Variants in HM13 observed in about 807,000 individuals in gnomAD.
The protein encoded by HM13 is signal peptide peptidase.
A neutral mutation model predicts 50.0 loss-of-function variants in HM13; 18 were observed. That is an observed-to-expected ratio of 0.36 (90% CI 0.25 to 0.53). HM13 has a LOEUF of 0.53. Among genes scored for constraint, HM13 ranks in the 20% least tolerant of loss-of-function variants. The pLI is 0.90. For missense variants in HM13, 393 were observed against 552.4 expected (o/e 0.71, Z 2.89); for synonymous variants, 197 against 232.6 (o/e 0.85, Z 1.39).
At chr20:31,520,611 A>C (rs1331372564) in intron 1 of HM13, among the ~76,000 whole-genome samples, 4 of 152,272 alleles carry the variant, frequency 2.6e-5, no homozygotes, top group South Asian at 2.1e-4. Context: ...GCTTCTCCAG[A>C]GGTTTTTAAG....
At position 31,549,475 on chromosome 20, in the gene HM13, T is replaced by A. The variant is rs371211385; in HGVS notation, c.666+143T>A. 145 of 987,272 alleles carry A rather than the reference T, an allele frequency of 1.5e-4. 1 individual carries two copies. The East Asian group carries it at 2.0e-3, about 14-fold the overall frequency. 61.2% of individuals were successfully genotyped at this position (987,272 alleles called of 1,614,324 possible). On this transcript the variant is annotated intron_variant, in intron 6 of 12. Transcript: ENST00000398174. ...TCCGGACCGCAGAGCAAGTCCTCTC[T>A]GGGCCCATCTGTGAGATGGAGCCAG...
At position 31,563,795 on chromosome 20, in the gene HM13, G is replaced by A. The variant is rs182711065; in HGVS notation, c.948+2059G>A. 3.6e-3 allele frequency among the ~76,000 whole-genome samples: 544 copies of A among 152,218 alleles called. 4 individuals are homozygous for A. The highest frequency in any genetic ancestry group is 6.4e-3 in the Non-Finnish European group (434 of 68,012). On this transcript the variant is annotated intron_variant, in intron 10 of 12. Transcript: ENST00000398174. ...GCTTTACGTTAAGAATGAAGTCTCC[G>A]GCCAGGCGTGGTGGCTCACACCTGT...
intron 2 of HM13, among the ~76,000 whole-genome samples, chr20:31,537,649 G>A (rs192233100): frequency 1.1e-4 from 17 of 152,362 alleles, no homozygotes; most frequent in South Asian, 2.1e-4. Context: ...CCAAGAAGCA[G>A]CTGTCAGGGA....
chr20:31,560,382 C>G (rs1659836736), intron 9 of HM13, among the ~76,000 whole-genome samples: 1 of 152,182 alleles, frequency 6.6e-6, no homozygotes, highest in Non-Finnish European at 1.5e-5. Context: ...CTGATAGTTG[C>G]AAAAGCAGTA....
At chr20:31,532,969 A>G (rs192568176) in intron 2 of HM13, among the ~76,000 whole-genome samples, 18 of 152,346 alleles carry the variant, frequency 1.2e-4, no homozygotes, top group Non-Finnish European at 2.6e-4. Context: ...GGTAAGCCTC[A>G]GTCTGCCTCG....
chr20:31,531,331 G>A (rs6059806), intron 2 of HM13, among the ~76,000 whole-genome samples: 41,632 of 151,838 alleles, frequency 0.27, 8,604 homozygotes, highest in African/African-American at 0.58. Context: ...GAGCCACTGC[G>A]CCCAGCCAAA....
At chr20:31,548,524 C>T (rs948377421) in intron 4 of HM13, 11 of 186,178 alleles carry the variant, frequency 5.9e-5, no homozygotes, top group African/African-American at 2.6e-4. Flanking sequence ...CCAGAATTAA[C>T]TCGACCTTTC....
At position 31,514,743 on chromosome 20, in the gene HM13, A is replaced by G; in HGVS notation, c.183+9A>G. On this transcript the variant is annotated intron_variant, in intron 1 of 12. Transcript: ENST00000398174. The surrounding 1 kb of genome is among the most constrained non-coding windows in gnomAD (Gnocchi z 4.3). ...GCTGCGCCCGCGGCAAGGTAGGGTC[A>G]GCGGGAAAACCGGGCACTTTCCACC... 1 of 1,518,228 alleles carries G rather than the reference A, an allele frequency of 6.6e-7. No homozygotes were observed. Among genetic ancestry groups the G allele is most frequent in the Non-Finnish European group, 8.8e-7 (1 of 1,133,954 alleles). 94.0% of individuals were successfully genotyped at this position (1,518,228 alleles called of 1,614,324 possible). A position where few individuals can be genotyped will look rare whatever the true frequency, so the allele number is the denominator to read the frequency against.
chr20:31,552,844 G>T (rs763418218), intron 7 of HM13, among the ~76,000 whole-genome samples: 16 of 152,130 alleles, frequency 1.1e-4, no homozygotes, highest in Non-Finnish European at 2.2e-4. Flanking sequence ...CATGTATTAG[G>T]GAAGCACAAG....
chr20:31,540,439 C>T (rs1983376336), intron 3 of HM13: 3 of 152,196 alleles, frequency 2.0e-5, no homozygotes, highest in Admixed American at 2.0e-4. Context: ...CGCTTGAGAC[C>T]CCCAAGTCTC....
intron 2 of HM13, among the ~76,000 whole-genome samples, chr20:31,529,612 T>C (rs996425333): frequency 6.6e-6 from 1 of 152,066 alleles, no homozygotes; most frequent in Admixed American, 6.6e-5. Flanking sequence ...AAGGATGTCT[T>C]TAATTTACAT....
At chr20:31,531,996 C>T (rs571439221) in intron 2 of HM13, among the ~76,000 whole-genome samples, 1 of 152,226 alleles carries the variant, frequency 6.6e-6, no homozygotes, top group Admixed American at 6.5e-5. Context: ...AGATACAGCA[C>T]AGTTGACTTA....
intron 2 of HM13, among the ~76,000 whole-genome samples, chr20:31,532,774 T>C (rs1245489902): frequency 1.3e-5 from 2 of 152,250 alleles, no homozygotes; most frequent in Admixed American, 1.3e-4. Flanking sequence ...CATCCAGCCA[T>C]TGCTTCTGCC....
chr20:31,532,155 G>A (rs973528097), intron 2 of HM13, among the ~76,000 whole-genome samples: 18 of 151,462 alleles, frequency 1.2e-4, no homozygotes, highest in South Asian at 2.1e-4. Context: ...GGCCGGGCGC[G>A]GTGGCTCAAG....
chr20:31,532,096 AT>A (rs374817984), intron 2 of HM13, among the ~76,000 whole-genome samples: 1,789 of 148,256 alleles, frequency 0.012, 31 homozygotes, highest in African/African-American at 0.041. Context: ...CTATTCACAG[AT>A]TTTTTTTTTT....
intron 8 of HM13, 144 bp from the exon 9 acceptor site, chr20:31,559,467 T>G (rs6059981): frequency 0.19 from 153,010 of 819,406 alleles, 24,727 homozygotes; most frequent in African/African-American, 0.71. Flanking sequence ...CTTTCTGCTG[T>G]CACTTGAGAG....
intron 1 of HM13, among the ~76,000 whole-genome samples, chr20:31,526,071 G>A (rs371195255): frequency 1.4e-4 from 22 of 152,076 alleles, no homozygotes; most frequent in African/African-American, 4.3e-4. Context: ...GTTGCCGTGA[G>A]CCAAGATTGC....
chr20:31,541,207 A>G (rs971511750), intron 3 of HM13: 4 of 152,090 alleles, frequency 2.6e-5, no homozygotes, highest in Admixed American at 2.6e-4. Context: ...TCACCTGGGC[A>G]TGGTGGTTCA....
chr20:31,524,663 A>C lies in HM13; in HGVS notation c.184-2821A>C, dbSNP rs563504564. On this transcript the variant is annotated intron_variant, in intron 1 of 12. Coordinates refer to ENST00000398174, the MANE Select transcript of HM13 (RefSeq NM_178581.3). ...GCTCTTATTAAGAGTGAGAATAAAG[A>C]CTTTTTTTATTATTATTAAGAGCCA... Among the ~76,000 whole-genome samples the C allele has an allele frequency of 6.0e-5, 9 of 149,226 alleles. No homozygotes were observed. The East Asian group carries it at 1.8e-3, about 29-fold the overall frequency.
Sources: allele counts gnomAD v4.1 joint callset (sites outside exome capture counted in the v4.1 genomes callset), GRCh38; gene constraint gnomAD v4.1.1; non-coding constraint Gnocchi (gnomAD v3.1); transcripts MANE v1.5; gene names NCBI Gene and HGNC (gene_info 2026-07-23, HGNC 2026-07-21).